The following ABCA3 variants were observed in gnomAD, a reference collection of about 807,000 sequenced individuals.
ABCA3 encodes the protein ATP binding cassette subfamily A member 3, also known as phospholipid-transporting ATPase ABCA3.
In ABCA3, 88 loss-of-function variants were observed where a neutral mutation model predicts 172.8. The observed-to-expected ratio is 0.51, with a 90% CI of 0.43 to 0.61. The LOEUF is 0.61. ABCA3 is among the 20% of genes least tolerant of loss of function. The pLI, the probability that ABCA3 is intolerant of heterozygous loss-of-function variation, is 0.00. For missense variants in ABCA3, 2,164 were observed against 2,301.0 expected, an observed-to-expected ratio of 0.94 and a Z score of 1.22; for synonymous variants, 1,066 against 983.8, an observed-to-expected ratio of 1.08 and a Z score of -1.56.
intron 1 of ABCA3, among the ~76,000 whole-genome samples, chr16:2,337,380 T>G (rs547128626): frequency 1.3e-5 from 2 of 151,846 alleles, no homozygotes; most frequent in South Asian, 4.2e-4. Context: ...GAGGCCTTTT[T>G]TTTTTTTTCA....
chr16:2,310,384 G>C (rs2093704664), intron 10 of ABCA3, among the ~76,000 whole-genome samples: 1 of 151,742 alleles, frequency 6.6e-6, no homozygotes, highest in Non-Finnish European at 1.5e-5. Context: ...CTCCATCCTA[G>C]CGACAGAGTG....
At chr16:2,299,377 A>C (rs769159817) in intron 14 of ABCA3, 26 bp downstream of exon 14, 8 of 1,612,614 alleles carry the variant, frequency 5.0e-6, no homozygotes, top group Admixed American at 1.7e-5. Context: ...TGCTGGTGGC[A>C]GGGGCGTGAG....
In ABCA3 at chr16:2,283,372, G is replaced by C. The variant is rs557903238; in HGVS notation, c.3863-14C>G. On this transcript the variant is annotated splice_polypyrimidine_tract_variant and intron_variant, in intron 25 of 32. Transcript: ENST00000301732. This position sits in a 1 kb window ranked among gnomAD's most constrained non-coding sequence, Gnocchi z 5.4. ...GGTACTGGATGTCTGTGGGGCGAGGGAGTCACTGTGCCCCGAGGCCTGGGG... is the reference window on the plus strand; with the variant it reads ...GGTACTGGATGTCTGTGGGGCGAGGCAGTCACTGTGCCCCGAGGCCTGGGG... 2.0e-5 allele frequency: 32 copies of C among 1,611,184 alleles called. No homozygotes were observed. Among genetic ancestry groups the C allele is most frequent in the African/African-American group, 2.7e-5 (2 of 74,876 alleles).
Position 2,278,495 on chromosome 16 carries a change from TGA to T in ABCA3, c.4548-39_4548-38del, listed in dbSNP as rs1813237351. ...AGGGTGCCAGGTGGGGGAATAAGGC[TGA>T]GAGTTAGCATTGGCTCCCATGTCCC... On this transcript the variant is annotated intron_variant, in intron 29 of 32. Coordinates refer to ENST00000301732, the MANE Select transcript of ABCA3 (RefSeq NM_001089.3). The surrounding 1 kb of genome is among the most constrained non-coding windows in gnomAD (Gnocchi z 4.4). The T allele has an allele frequency of 1.2e-6, 2 of 1,605,206 alleles. No individual in the cohort carries two copies. The highest frequency in any genetic ancestry group is 1.7e-6 in the Non-Finnish European group (2 of 1,179,376).
chr16:2,323,030 T>C (rs1479520823), intron 7 of ABCA3, among the ~76,000 whole-genome samples: 2 of 152,228 alleles, frequency 1.3e-5, no homozygotes, highest in African/African-American at 4.8e-5. Flanking sequence ...AAGACATTTA[T>C]GCAGCCAAAA....
chr16:2,304,553 C>A (rs1316901095), intron 11 of ABCA3, among the ~76,000 whole-genome samples: 1 of 138,236 alleles, frequency 7.2e-6, no homozygotes, highest in Admixed American at 8.0e-5. Flanking sequence ...GTCGCCCAGG[C>A]AGGAGTGCAG....
intron 7 of ABCA3, among the ~76,000 whole-genome samples, chr16:2,320,967 T>A (rs1353389832): frequency 8.1e-5 from 12 of 148,028 alleles, no homozygotes; most frequent in Non-Finnish European, 1.5e-4. Context: ...ACAAAGGTTT[T>A]CCCCAGTCTG....
chr16:2,319,686 G>A lies in ABCA3; in HGVS notation c.768C>T (p.Leu256=), dbSNP rs138445429. The A allele has an allele frequency of 3.4e-5, 55 of 1,613,962 alleles. No homozygotes were observed. The highest frequency in any genetic ancestry group is 3.1e-4 in the South Asian group (28 of 91,070). Reference sequence around the variant, plus strand: ...GGGGCAGCTGGTACTGGATGGCCACGAGGAAGGGGTCTGCGATGAACGGCG... The same window carrying A: ...GGGGCAGCTGGTACTGGATGGCCACAAGGAAGGGGTCTGCGATGAACGGCG... ...PYPPFIADPF[L]VAIQYQLPLL... The change falls in exon 8 of 33, where the codon CTC becomes CTT. Residue 256 remains leucine (L), a synonymous_variant. Transcript: ENST00000301732.
Position 2,277,802 on chromosome 16 carries a change from C to T in ABCA3, c.4909+77G>A, listed in dbSNP as rs2093648804. ...GACTTGGCGGGGCGAGGCACAGACG[C>T]TCCGCACAGCAGATGGGAGAGGCCT... On this transcript the variant is annotated intron_variant, in intron 31 of 32. Coordinates refer to ENST00000301732, the MANE Select transcript of ABCA3 (RefSeq NM_001089.3). This position sits in a 1 kb window ranked among gnomAD's most constrained non-coding sequence, Gnocchi z 5.3. 1 of 1,597,018 alleles carries T rather than the reference C, an allele frequency of 6.3e-7. No individual in the cohort carries two copies. The highest frequency in any genetic ancestry group is 1.7e-5 in the Admixed American group (1 of 57,884).
Position 2,319,853 on chromosome 16 carries a change from G to A in ABCA3, c.614-13C>T. On this transcript the variant is annotated splice_polypyrimidine_tract_variant and intron_variant, in intron 7 of 32. Coordinates refer to ENST00000301732, the MANE Select transcript of ABCA3 (RefSeq NM_001089.3). ...TCCCGGATGTACCCTGGGTGCGGGAGCAGAGGATGGCCCAGCCACCTCGAG... is the reference window on the plus strand; with the variant it reads ...TCCCGGATGTACCCTGGGTGCGGGAACAGAGGATGGCCCAGCCACCTCGAG... 7 of 1,613,168 alleles carry A rather than the reference G, an allele frequency of 4.3e-6. No individual in the cohort carries two copies. Among genetic ancestry groups the A allele is most frequent in the Non-Finnish European group, 5.9e-6 (7 of 1,180,016 alleles).
At chr16:2,314,568 G>A (rs564562004) in intron 10 of ABCA3, among the ~76,000 whole-genome samples, 1 of 150,382 alleles carries the variant, frequency 6.6e-6, no homozygotes, top group South Asian at 2.1e-4. Flanking sequence ...GCTTAAAGCG[G>A]CCACAATGGT....
intron 3 of ABCA3, among the ~76,000 whole-genome samples, chr16:2,328,231 C>A (rs2093737399): frequency 1.3e-5 from 2 of 151,986 alleles, no homozygotes; most frequent in Middle Eastern, 6.8e-3. Context: ...TACTAAATTT[C>A]AAATATCAGA....
rs74451435 is a variant in ABCA3, at chr16:2,325,884, G to A, written c.319+126C>T. ...TGAAGTAGTGATGCGGGAAGAAGCAGAGGCCAAGTCTGCACAGGGTGAACT... is the reference window on the plus strand; with the variant it reads ...TGAAGTAGTGATGCGGGAAGAAGCAAAGGCCAAGTCTGCACAGGGTGAACT... On this transcript the variant is annotated intron_variant, in intron 5 of 32. Transcript: ENST00000301732. 1.6e-3 allele frequency: 2,223 copies of A among 1,351,430 alleles called. 59 individuals are homozygous for A. In the East Asian group the frequency reaches 0.045, roughly 27 times the overall value. The allele number at this position is 1,351,430 out of a possible 1,614,324, so 83.7% of individuals were successfully genotyped here.
In ABCA3 at chr16:2,294,217, G is replaced by A. The variant is rs1235108290; in HGVS notation, c.2414+1373C>T. ...ATTTTTTTTTTTTTTTAGTAGAGACGAGGTTTCACCGTGTTGGCCAGGATG... is the reference window on the plus strand; with the variant it reads ...ATTTTTTTTTTTTTTTAGTAGAGACAAGGTTTCACCGTGTTGGCCAGGATG... On this transcript the variant is annotated intron_variant, in intron 18 of 32. Transcript: ENST00000301732. Among the ~76,000 whole-genome samples the A allele has an allele frequency of 3.3e-5, 5 of 150,032 alleles. No individual in the cohort carries two copies. The South Asian group carries it at 6.3e-4, about 19-fold the overall frequency.
chr16:2,284,868 C>T lies in ABCA3; in HGVS notation c.3614G>A (p.Gly1205Glu). 6.2e-7 allele frequency: 1 copy of T among 1,613,876 alleles called. No homozygotes were observed. Among genetic ancestry groups the T allele is most frequent in the Non-Finnish European group, 8.5e-7 (1 of 1,179,962 alleles). ...LMYLMNFFFL[G>E]AATAYTRLTI... ...CAGCCTCGTGTAGGCAGTGGCCGCC[C>T]CCAAGAAGAAGAAGTTCATCAGGTA... is the stretch of plus-strand genomic sequence containing the variant. The change falls in exon 24 of 33, where the codon GGG becomes GAG. Residue 1205 changes from glycine (G) to glutamate (E), a missense_variant. By Grantham distance (98) the Gly-to-Glu change is moderately conservative. Around this residue, in one of 3 missense-constraint regions of ABCA3, gnomAD observed 795 missense variants for 881.9 expected, o/e 0.90. Coordinates refer to ENST00000301732, the MANE Select transcript of ABCA3 (RefSeq NM_001089.3). The surrounding 1 kb of genome is among the most constrained non-coding windows in gnomAD (Gnocchi z 5.9).
At chr16:2,310,815 C>T (rs760450060) in intron 10 of ABCA3, among the ~76,000 whole-genome samples, 8 of 152,102 alleles carry the variant, frequency 5.3e-5, no homozygotes, top group Non-Finnish European at 7.4e-5. Context: ...GTCACTTGAC[C>T]GGCTGATTTT....
intron 10 of ABCA3, among the ~76,000 whole-genome samples, chr16:2,313,826 C>T (rs530981285): frequency 5.3e-5 from 8 of 150,058 alleles, no homozygotes; most frequent in South Asian, 2.1e-4. Flanking sequence ...ACCCAGAAGG[C>T]GGAGGTTGCA....
At chr16:2,308,012 T>G (rs563079468) in intron 11 of ABCA3, among the ~76,000 whole-genome samples, 1 of 152,330 alleles carries the variant, frequency 6.6e-6, no homozygotes, top group South Asian at 2.1e-4. Context: ...GAGGATTGCT[T>G]GAGGTCGAAA....
rs1020990438 is a variant in ABCA3, at chr16:2,301,062, C to G, written c.1468-914G>C. ...TGGCTAACACGGTGAAACCCCGTCTCTACTAAAAATACAAAAAAATTAGCC... is the reference window on the plus strand; with the variant it reads ...TGGCTAACACGGTGAAACCCCGTCTGTACTAAAAATACAAAAAAATTAGCC... On this transcript the variant is annotated intron_variant, in intron 12 of 32. Coordinates refer to ENST00000301732, the MANE Select transcript of ABCA3 (RefSeq NM_001089.3). 3.3e-5 allele frequency among the ~76,000 whole-genome samples: 5 copies of G among 151,334 alleles called. No individual in the cohort carries two copies. The East Asian group carries it at 9.8e-4, about 30-fold the overall frequency.
Sources: gnomAD v4.1 joint callset for allele counts (sites outside exome capture counted in the v4.1 genomes callset) on GRCh38, gnomAD v4.1.1 for gene constraint, gnomAD v4.1.1 regional missense constraint, Gnocchi (gnomAD v3.1) non-coding constraint, MANE v1.5 for transcripts, NCBI Gene and HGNC (gene_info 2026-07-23, HGNC 2026-07-21) for gene names.